WRN: variants seen among roughly 807,000 people sequenced by gnomAD.
WRN encodes the protein bifunctional 3'-5' exonuclease/ATP-dependent helicase WRN.
WRN carries 149 observed loss-of-function variants against 180.7 expected under a neutral mutation model. That is an observed-to-expected ratio of 0.82 (90% CI 0.72 to 0.94). The LOEUF (loss-of-function observed/expected upper bound fraction) is 0.94, where lower values mean the gene tolerates loss of function less well. Among genes scored for constraint, WRN ranks in the 40% least tolerant of loss-of-function variants. The probability of loss-of-function intolerance (pLI) is 0.00; values close to 1 mark genes in which losing one functional copy is unlikely to be tolerated. For missense variants in WRN, 1,661 were observed against 1,700.1 expected (o/e 0.98, Z 0.40); for synonymous variants, 548 against 568.9 (o/e 0.96, Z 0.52).
At chr8:31,043,624 C>T (rs1297363325) in intron 1 of WRN, among the ~76,000 whole-genome samples, 3 of 152,144 alleles carry the variant, frequency 2.0e-5, no homozygotes, top group Admixed American at 2.0e-4. Context: ...ACATGTTTAA[C>T]CTCAGGACTC....
At chr8:31,093,170 G>A (rs772438977) in intron 16 of WRN, among the ~76,000 whole-genome samples, 3 of 152,044 alleles carry the variant, frequency 2.0e-5, no homozygotes, top group Non-Finnish European at 4.4e-5. Context: ...AACTCCTGGC[G>A]TCAGGATTGT....
At chr8:31,076,421 G>A in intron 8 of WRN, 134 bp downstream of exon 8, 1 of 704,608 alleles carries the variant, frequency 1.4e-6, no homozygotes, top group Non-Finnish European at 2.4e-6. Context: ...CACACAGACT[G>A]ATGCATAAAT....
intron 18 of WRN, among the ~76,000 whole-genome samples, chr8:31,103,409 C>A (rs1466802453): frequency 1.3e-5 from 2 of 152,214 alleles, no homozygotes; most frequent in Admixed American, 1.3e-4. Flanking sequence ...AGCAGCATCA[C>A]CACAAACGTG....
intron 20 of WRN, among the ~76,000 whole-genome samples, chr8:31,118,423 C>T (rs1197577056): frequency 6.6e-6 from 1 of 151,974 alleles, no homozygotes; most frequent in Non-Finnish European, 1.5e-5. Flanking sequence ...TCAAAAGCTT[C>T]ATATTTGCAT....
At chr8:31,157,842 C>T (rs1321879835) in intron 33 of WRN, among the ~76,000 whole-genome samples, 2 of 152,130 alleles carry the variant, frequency 1.3e-5, no homozygotes. Context: ...ATTCTCTTGC[C>T]TCAGCTTCCT....
At chr8:31,151,239 A>G (rs1042420094) in intron 31 of WRN, among the ~76,000 whole-genome samples, 1 of 152,238 alleles carries the variant, frequency 6.6e-6, no homozygotes, top group African/African-American at 2.4e-5. Context: ...ACATTAGAAA[A>G]TAGAAGACAT....
intron 7 of WRN, among the ~76,000 whole-genome samples, chr8:31,074,714 G>C (rs1485086374): frequency 1.3e-5 from 2 of 152,106 alleles, no homozygotes; most frequent in Non-Finnish European, 2.9e-5. Context: ...TAGAGGTTTT[G>C]CCACGTAATT....
chr8:31,143,053 A>ATT (rs1282560007), intron 27 of WRN, among the ~76,000 whole-genome samples: 11 of 61,170 alleles, frequency 1.8e-4, no homozygotes, highest in African/African-American at 6.1e-4. Flanking sequence ...ACACACACAC[A>ATT]CATTCTCTCT....
intron 1 of WRN, among the ~76,000 whole-genome samples, chr8:31,043,375 G>A (rs1472040107): frequency 6.6e-6 from 1 of 152,154 alleles, no homozygotes; most frequent in Non-Finnish European, 1.5e-5. Context: ...TGTATAGCAA[G>A]GGGAATTGGA....
At chr8:31,128,807 C>T (rs933886232) in intron 23 of WRN, among the ~76,000 whole-genome samples, 2 of 151,940 alleles carry the variant, frequency 1.3e-5, no homozygotes, top group African/African-American at 2.4e-5. Flanking sequence ...TGCAGTGAGC[C>T]GAGATCGCGC....
At chr8:31,041,770 T>C (rs1811666115) in intron 1 of WRN, among the ~76,000 whole-genome samples, 1 of 152,134 alleles carries the variant, frequency 6.6e-6, no homozygotes, top group African/African-American at 2.4e-5. Context: ...CAGGAAGTAG[T>C]AAGGGCCCAC....
At chr8:31,120,518 G>T in intron 21 of WRN, 94 bp downstream of exon 21, 36 of 1,049,036 alleles carry the variant, frequency 3.4e-5, no homozygotes, top group Non-Finnish European at 3.6e-5. Flanking sequence ...AGTATCCCAA[G>T]TAATTTGTGA....
At chr8:31,065,438 C>T (rs1049639627) in intron 5 of WRN, among the ~76,000 whole-genome samples, 4 of 152,206 alleles carry the variant, frequency 2.6e-5, no homozygotes, top group African/African-American at 9.6e-5. Flanking sequence ...TCTGTGTGTC[C>T]ATGTTTTCTT....
At chr8:31,045,022 C>T (rs1563319718) in intron 1 of WRN, among the ~76,000 whole-genome samples, 1 of 152,180 alleles carries the variant, frequency 6.6e-6, no homozygotes, top group Admixed American at 6.5e-5. Flanking sequence ...TTTCTTCTCT[C>T]GTAATTACTG....
intron 34 of WRN, among the ~76,000 whole-genome samples, chr8:31,170,587 C>T (rs1353430886): frequency 6.6e-6 from 1 of 151,998 alleles, no homozygotes; most frequent in Non-Finnish European, 1.5e-5. Flanking sequence ...TGCTTACATC[C>T]GTATGTACAC....
chr8:31,057,499 AG>A (rs1812316106), intron 1 of WRN, among the ~76,000 whole-genome samples: 2 of 152,166 alleles, frequency 1.3e-5, no homozygotes, highest in South Asian at 4.1e-4. Context: ...TGAACCCAGG[AG>A]GCAGATCTTG....
intron 32 of WRN, among the ~76,000 whole-genome samples, chr8:31,155,758 G>C (rs1034452698): frequency 6.6e-6 from 1 of 152,072 alleles, no homozygotes; most frequent in South Asian, 2.1e-4. Flanking sequence ...GCTTACAGTT[G>C]AGTTTAATTT....
intron 21 of WRN, among the ~76,000 whole-genome samples, chr8:31,121,296 T>C (rs1361582907): frequency 1.3e-5 from 2 of 151,978 alleles, no homozygotes; most frequent in Non-Finnish European, 2.9e-5. Context: ...CTCATTTTAG[T>C]AAAATGATAA....
At chr8:31,077,443 C>T (rs974199881) in intron 8 of WRN, among the ~76,000 whole-genome samples, 3 of 152,032 alleles carry the variant, frequency 2.0e-5, no homozygotes, top group Non-Finnish European at 2.9e-5. Context: ...GGGGTTTCAC[C>T]GTGTTAGCCA....
Sources: gnomAD v4.1 joint callset for allele counts (sites outside exome capture counted in the v4.1 genomes callset) on GRCh38, gnomAD v4.1.1 for gene constraint, MANE v1.5 for transcripts, NCBI Gene and HGNC (gene_info 2026-07-23, HGNC 2026-07-21) for gene names.